Variants in ZNF680 observed in about 807,000 individuals in gnomAD.
The protein encoded by ZNF680 is zinc finger protein 680.
In ZNF680, 6 loss-of-function variants were observed where a neutral mutation model predicts 12.1. The observed-to-expected ratio is 0.49, with a 90% CI of 0.27 to 0.98. The LOEUF is 0.98. Ranked by LOEUF, ZNF680 falls within the 50% of genes least tolerant of loss-of-function variation. The pLI is 0.12. For synonymous variants in ZNF680, 170 were observed against 199.3 expected (o/e 0.85, Z 1.24); for missense variants, 561 against 616.3 (o/e 0.91, Z 0.95).
At chr7:64,508,458 G>A in the ZNF680 span, among the ~76,000 whole-genome samples, 30,350 of 151,926 alleles carry the variant, frequency 0.2, 3,416 homozygotes, top group South Asian at 0.28. Flanking sequence ...TTGTTTTCAG[G>A]CTTAACACTA....
chr7:64,561,898 G>A (rs1787759056), intron 1 of ZNF680, among the ~76,000 whole-genome samples: 1 of 139,610 alleles, frequency 7.2e-6, no homozygotes, highest in East Asian at 2.0e-4. Context: ...TCGCGCCACT[G>A]CACTCCAGCC....
At chr7:64,551,748 A>G (rs1456012234) in intron 1 of ZNF680, 1 of 154,022 alleles carries the variant, frequency 6.5e-6, no homozygotes, top group Non-Finnish European at 1.5e-5. Flanking sequence ...CACTCAAAGC[A>G]TTGGAGAGAA....
chr7:64,518,517 A>G (rs540144908), downstream of ZNF680, among the ~76,000 whole-genome samples: 143 of 152,136 alleles, frequency 9.4e-4, no homozygotes, highest in African/African-American at 2.8e-3. Flanking sequence ...TAGAAATACA[A>G]TGTAGCTCCC....
intron 1 of ZNF680, among the ~76,000 whole-genome samples, chr7:64,555,602 G>A (rs540097975): frequency 1.2e-4 from 18 of 151,236 alleles, no homozygotes; most frequent in African/African-American, 4.4e-4. Context: ...AAGAATGAGA[G>A]AAAGCAAGAG....
Position 64,521,104 on chromosome 7 carries a change from T to C in ZNF680, c.*57A>G. On this transcript the variant is annotated 3_prime_UTR_variant, in exon 4 of 4. Coordinates refer to ENST00000309683, the MANE Select transcript of ZNF680 (RefSeq NM_178558.5). Reference sequence around the variant, plus strand: ...ACAATCATTGGAAGGCTTTGTCAAATTCTTCACATTTTTAGGGTTTCTCAA... The same window carrying C: ...ACAATCATTGGAAGGCTTTGTCAAACTCTTCACATTTTTAGGGTTTCTCAA... 1 of 1,497,292 alleles carries C rather than the reference T, an allele frequency of 6.7e-7. No homozygotes were observed. 92.8% of individuals were successfully genotyped at this position (1,497,292 alleles called of 1,614,324 possible).
At chr7:64,512,023 C>A in the ZNF680 span, among the ~76,000 whole-genome samples, 5 of 149,954 alleles carry the variant, frequency 3.3e-5, no homozygotes, top group African/African-American at 1.2e-4. Context: ...CGTGCCATTG[C>A]ACTTCAGCCC....
At chr7:64,515,118 A>T, downstream of ZNF680, among the ~76,000 whole-genome samples, 1 of 152,034 alleles carries the variant, frequency 6.6e-6, no homozygotes, top group South Asian at 2.1e-4. Context: ...TTGCTTTTCA[A>T]AGTAAGTAAG....
chr7:64,515,795 A>G (rs1447881696), downstream of ZNF680, among the ~76,000 whole-genome samples: 1 of 151,598 alleles, frequency 6.6e-6, no homozygotes, highest in Non-Finnish European at 1.5e-5. Context: ...TTTTGTGGGC[A>G]TAAACACAGT....
intron 3 of ZNF680, among the ~76,000 whole-genome samples, chr7:64,534,530 C>T (rs1043713613): frequency 1.3e-5 from 2 of 152,052 alleles, no homozygotes; most frequent in Non-Finnish European, 2.9e-5. Flanking sequence ...GGCACAGATG[C>T]GGTGATCAGG....
rs534810261 is a variant in ZNF680, at chr7:64,535,392, A to G, written c.253+8315T>C. 1.7e-3 allele frequency among the ~76,000 whole-genome samples: 254 copies of G among 146,842 alleles called. 2 individuals are homozygous for G. The highest frequency in any genetic ancestry group is 5.8e-3 in the African/African-American group (232 of 40,036). ...AAAGAACAAAAGAAAGAAAAGAAGG[A>G]AGGAAGGAAAGAAGGAAAGAAGGAA... On this transcript the variant is annotated intron_variant, in intron 3 of 3. Transcript: ENST00000309683.
chr7:64,557,554 CAAAAAAACAAAAAAACAA>C (rs1787487578), intron 1 of ZNF680, among the ~76,000 whole-genome samples: 1 of 114,454 alleles, frequency 8.7e-6, no homozygotes, highest in Non-Finnish European at 1.8e-5. Context: ...GGGTCCGTCT[CAAAAAAACAAAAAAACAA>C]AAAAAAACAA....
chr7:64,500,835 A>G, the ZNF680 span: 1 of 413,278 alleles, frequency 2.4e-6, no homozygotes, highest in South Asian at 2.4e-5. Flanking sequence ...ATGGCCAGCA[A>G]TGTTACCAAC....
chr7:64,507,657 C>T, the ZNF680 span, among the ~76,000 whole-genome samples: 3 of 151,540 alleles, frequency 2.0e-5, no homozygotes, highest in African/African-American at 7.3e-5. Flanking sequence ...GTGAGCCATC[C>T]ATATTATATA....
the ZNF680 span, among the ~76,000 whole-genome samples, chr7:64,510,782 C>T: frequency 7.7e-6 from 1 of 129,906 alleles, no homozygotes; most frequent in Non-Finnish European, 1.6e-5. Context: ...TAGTGGCGGG[C>T]GCCTGTAGTC....
intron 3 of ZNF680, among the ~76,000 whole-genome samples, chr7:64,528,139 GA>G (rs1785655873): frequency 1.3e-5 from 2 of 152,242 alleles, no homozygotes; most frequent in African/African-American, 4.8e-5. Context: ...AGAAGCAGCA[GA>G]AAAGGCCCTA....
At chr7:64,557,575 A>AC (rs1259890694) in intron 1 of ZNF680, among the ~76,000 whole-genome samples, 1 of 151,754 alleles carries the variant, frequency 6.6e-6, no homozygotes, top group East Asian at 1.9e-4. Context: ...AAAAACAAAA[A>AC]AAAACAAAAC....
the ZNF680 span, among the ~76,000 whole-genome samples, chr7:64,511,356 C>A: frequency 6.6e-6 from 1 of 152,110 alleles, no homozygotes; most frequent in African/African-American, 2.4e-5. Flanking sequence ...AGGGCTGATG[C>A]CCTCAGGTAT....
intron 1 of ZNF680, among the ~76,000 whole-genome samples, chr7:64,557,580 C>G (rs546844931): frequency 6.9e-6 from 1 of 145,322 alleles, no homozygotes; most frequent in South Asian, 2.2e-4. Flanking sequence ...CAAAAAAAAA[C>G]AAAACAAAAA....
At chr7:64,513,573 A>G in the ZNF680 span, among the ~76,000 whole-genome samples, 3 of 152,258 alleles carry the variant, frequency 2.0e-5, no homozygotes, top group South Asian at 6.2e-4. Flanking sequence ...AAAATTGTTT[A>G]TAAGGTTTCA....
Sources: allele counts gnomAD v4.1 joint callset (sites outside exome capture counted in the v4.1 genomes callset), GRCh38; gene constraint gnomAD v4.1.1; transcripts MANE v1.5; gene names NCBI Gene and HGNC (gene_info 2026-07-23, HGNC 2026-07-21).